The following TLL2 variants were observed in gnomAD, a reference collection of about 807,000 sequenced individuals.
TLL2 encodes tolloid like 2, also known as tolloid-like protein 2.
Under a neutral mutation model 123.0 loss-of-function variants are expected in TLL2, and 106 were observed. That is an observed-to-expected ratio of 0.86 (90% confidence interval 0.74 to 1.01). The LOEUF (loss-of-function observed/expected upper bound fraction) is 1.01, where lower values mean the gene tolerates loss of function less well. Among genes scored for constraint, TLL2 ranks in the 50% least tolerant of loss-of-function variants. The pLI, the probability that TLL2 is intolerant of heterozygous loss-of-function variation, is 0.00. For synonymous variants in TLL2, 494 were observed against 516.8 expected (o/e 0.96, Z 0.60); for missense variants, 1,332 against 1,336.7 (o/e 1.00, Z 0.06).
chr10:96,463,741 G>T (rs2134095733), intron 2 of TLL2, among the ~76,000 whole-genome samples: 1 of 152,352 alleles, frequency 6.6e-6, no homozygotes, highest in Non-Finnish European at 1.5e-5. Flanking sequence ...ATGCCATCTA[G>T]CAGGGCAGAC....
chr10:96,389,546 G>A (rs1352690536), intron 13 of TLL2, among the ~76,000 whole-genome samples: 1 of 152,210 alleles, frequency 6.6e-6, no homozygotes, highest in Admixed American at 6.5e-5. Flanking sequence ...CAGGAGGGCA[G>A]CACAGCAGAA....
At chr10:96,468,461 C>A (rs1847150009) in intron 2 of TLL2, among the ~76,000 whole-genome samples, 1 of 152,164 alleles carries the variant, frequency 6.6e-6, no homozygotes, top group Non-Finnish European at 1.5e-5. Context: ...TCCTTTCTCT[C>A]CAATTCCTAG....
chr10:96,400,012 G>A (rs1846378406), intron 10 of TLL2, among the ~76,000 whole-genome samples: 1 of 152,142 alleles, frequency 6.6e-6, no homozygotes, highest in African/African-American at 2.4e-5. Flanking sequence ...TTATTCCTAA[G>A]CACTCTCCCC....
At chr10:96,494,651 G>C (rs1290850688) in intron 1 of TLL2, among the ~76,000 whole-genome samples, 1 of 152,228 alleles carries the variant, frequency 6.6e-6, no homozygotes, top group Non-Finnish European at 1.5e-5. Context: ...CAGTGGCTCT[G>C]TATCTTGGGA....
intron 1 of TLL2, among the ~76,000 whole-genome samples, chr10:96,507,586 GC>G (rs771946786): frequency 1.3e-5 from 2 of 152,122 alleles, no homozygotes; most frequent in Non-Finnish European, 1.5e-5. Flanking sequence ...TTATATACTT[GC>G]CTTGTGCCAG....
Position 96,469,000 on chromosome 10 carries a change from C to T in TLL2, c.286+11349G>A, listed in dbSNP as rs1009113568. Reference sequence around the variant, plus strand: ...GAGCAGATGTGCACGTTATCAGATGCCTCCTTATCATCTCAAATCATCTCA... The same window carrying T: ...GAGCAGATGTGCACGTTATCAGATGTCTCCTTATCATCTCAAATCATCTCA... On this transcript the variant is annotated intron_variant, in intron 2 of 20. Transcript: ENST00000357947. 3.9e-5 allele frequency among the ~76,000 whole-genome samples: 6 copies of T among 152,304 alleles called. No individual in the cohort carries two copies. The East Asian group carries it at 9.6e-4, about 24-fold the overall frequency.
intron 16 of TLL2, among the ~76,000 whole-genome samples, chr10:96,383,190 G>C (rs1257672957): frequency 2.6e-5 from 4 of 152,200 alleles, no homozygotes; most frequent in Admixed American, 2.6e-4. Flanking sequence ...AGGAGAATGG[G>C]CTTTTTCTAC....
At position 96,373,710 on chromosome 10, in the gene TLL2, AAC is replaced by A. The variant is rs755390962; in HGVS notation, c.2546_2547del (p.Arg849LeufsTer47). 6 of 1,614,154 alleles carry A rather than the reference AAC, an allele frequency of 3.7e-6. No individual in the cohort carries two copies. The highest frequency in any genetic ancestry group is 4.2e-6 in the Non-Finnish European group (5 of 1,180,062). On this transcript the variant is annotated frameshift_variant, in exon 19 of 21. Coordinates refer to ENST00000357947, the MANE Select transcript of TLL2 (RefSeq NM_012465.4). LOFTEE classifies it high-confidence loss of function. ...GPDSLAPILGRFCGSKKPDPT... is the reference protein window; with the variant it reads ...GPDSLAPILGXFCGSKKPDPT... Reference sequence around the variant, plus strand: ...GGGTCTGGTTTCTTGCTGCCGCAGAAACGGCCCAGAATGGGGGCCAGGCTGTC... The same window carrying A: ...GGGTCTGGTTTCTTGCTGCCGCAGAAGGCCCAGAATGGGGGCCAGGCTGTC...
intron 8 of TLL2, among the ~76,000 whole-genome samples, chr10:96,411,899 A>C (rs950854366): frequency 1.3e-5 from 2 of 152,188 alleles, no homozygotes; most frequent in Admixed American, 1.3e-4. Flanking sequence ...ACTGCCAGGC[A>C]TCATGAGGAT....
chr10:96,422,678 T>C lies in TLL2; in HGVS notation c.688A>G (p.Ile230Val), dbSNP rs767816631. ...RRGGGPQAIS[I>V]GKNCDKFGIV... ...CCAAACTTGTCACAGTTCTTCCCAATGGATATGGCCTGTGGGCCTCCTCCT... is the reference window on the plus strand; with the variant it reads ...CCAAACTTGTCACAGTTCTTCCCAACGGATATGGCCTGTGGGCCTCCTCCT... The change falls in exon 6 of 21, where the codon ATT becomes GTT. Residue 230 changes from isoleucine (I) to valine (V), a missense_variant. By Grantham distance (29) the Ile-to-Val change is conservative (BLOSUM62 3). Coordinates refer to ENST00000357947, the MANE Select transcript of TLL2 (RefSeq NM_012465.4). The C allele has an allele frequency of 1.2e-6, 2 of 1,614,084 alleles. No homozygotes were observed. Among genetic ancestry groups the C allele is most frequent in the African/African-American group, 1.3e-5 (1 of 74,914 alleles).
chr10:96,412,243 G>A (rs1055215465), intron 8 of TLL2, among the ~76,000 whole-genome samples: 2 of 152,104 alleles, frequency 1.3e-5, no homozygotes, highest in African/African-American at 2.4e-5. Context: ...TGCATCCCTC[G>A]GGTCCTGCTT....
At chr10:96,470,307 C>T (rs1473982710) in intron 2 of TLL2, among the ~76,000 whole-genome samples, 2 of 152,176 alleles carry the variant, frequency 1.3e-5, no homozygotes, top group African/African-American at 4.8e-5. Flanking sequence ...CCCTGACAGC[C>T]TCATGGGGGA....
At chr10:96,485,554 G>A (rs527668286) in intron 1 of TLL2, among the ~76,000 whole-genome samples, 9 of 152,340 alleles carry the variant, frequency 5.9e-5, no homozygotes, top group Non-Finnish European at 1.2e-4. Context: ...AAAAGCATCA[G>A]TCATTAGGGA....
At chr10:96,460,871 A>T (rs971422193) in intron 2 of TLL2, among the ~76,000 whole-genome samples, 4 of 152,182 alleles carry the variant, frequency 2.6e-5, no homozygotes, top group Non-Finnish European at 4.4e-5. Context: ...TGAAAACACC[A>T]CAAGAAGATA....
chr10:96,493,909 A>G (rs1229067438), intron 1 of TLL2, among the ~76,000 whole-genome samples: 2 of 152,196 alleles, frequency 1.3e-5, no homozygotes, highest in African/African-American at 4.8e-5. Context: ...AGACTTCAGA[A>G]AGTTAACGAC....
At chr10:96,375,961 C>T (rs1296464694) in intron 18 of TLL2, among the ~76,000 whole-genome samples, 1 of 152,112 alleles carries the variant, frequency 6.6e-6, no homozygotes, top group African/African-American at 2.4e-5. Context: ...TGTGGGAGTC[C>T]CTGGGGGTTG....
chr10:96,452,230 A>C (rs1846967877), intron 2 of TLL2, among the ~76,000 whole-genome samples: 1 of 152,134 alleles, frequency 6.6e-6, no homozygotes, highest in African/African-American at 2.4e-5. Context: ...GCAGTGGGGG[A>C]TGGGAGTCCT....
chr10:96,497,002 C>T (rs1012720866), intron 1 of TLL2, among the ~76,000 whole-genome samples: 5 of 152,044 alleles, frequency 3.3e-5, no homozygotes, highest in South Asian at 2.1e-4. Flanking sequence ...TAAAAATGGC[C>T]GGGTGCAGTG....
chr10:96,492,191 G>T (rs1847420734), intron 1 of TLL2, among the ~76,000 whole-genome samples: 1 of 151,452 alleles, frequency 6.6e-6, no homozygotes, highest in Non-Finnish European at 1.5e-5. Flanking sequence ...TTCAAGAGGA[G>T]GCCATTTTGT....
Sources: gnomAD v4.1 joint callset for allele counts (sites outside exome capture counted in the v4.1 genomes callset) on GRCh38, gnomAD v4.1.1 for gene constraint, MANE v1.5 for transcripts, NCBI Gene and HGNC (gene_info 2026-07-23, HGNC 2026-07-21) for gene names.